ZFHX3: variants seen among roughly 807,000 people sequenced by gnomAD.
ZFHX3 encodes the protein zinc finger homeobox protein 3.
In ZFHX3, 42 loss-of-function variants were observed where a neutral mutation model predicts 279.1. That is an observed-to-expected ratio of 0.15 (90% CI 0.12 to 0.19). ZFHX3 has a LOEUF of 0.19. ZFHX3 is among the 10% of genes least tolerant of loss of function. ZFHX3 has a pLI of 1.00. For missense variants in ZFHX3, 4,981 were observed against 4,754.0 expected (o/e 1.05, Z -1.40); for synonymous variants, 2,293 against 1,957.8 (o/e 1.17, Z -4.52).
chr16:73,538,319 A>G (rs11860238), intron 2 of ZFHX3, among the ~76,000 whole-genome samples: 2,153 of 152,256 alleles, frequency 0.014, 53 homozygotes, highest in African/African-American at 0.05. Flanking sequence ...AATTTCACCA[A>G]AGGCTATTGA....
At chr16:73,682,352 T>A (rs1185650216) in intron 1 of ZFHX3, among the ~76,000 whole-genome samples, 2 of 152,104 alleles carry the variant, frequency 1.3e-5, no homozygotes, top group African/African-American at 2.4e-5. Flanking sequence ...GGGGTTTTAA[T>A]CATAAGGCAC....
intron 2 of ZFHX3, among the ~76,000 whole-genome samples, chr16:73,474,687 G>C (rs1302373586): frequency 6.6e-6 from 1 of 152,228 alleles, no homozygotes; most frequent in East Asian, 1.9e-4. Context: ...ATCCCAGCTG[G>C]CAGCTTCCTT....
chr16:73,425,976 G>C (rs557450651), intron 3 of ZFHX3, among the ~76,000 whole-genome samples: 1 of 152,036 alleles, frequency 6.6e-6, no homozygotes, highest in African/African-American at 2.4e-5. Context: ...CTCTGTCAAC[G>C]GTGATCCTCT....
intron 1 of ZFHX3, among the ~76,000 whole-genome samples, chr16:73,799,440 G>T (rs1444513151): frequency 1.3e-5 from 2 of 152,144 alleles, no homozygotes; most frequent in African/African-American, 4.8e-5. Context: ...GTGAATTGAG[G>T]CAGGTTTCTT....
At chr16:73,436,848 G>A (rs551401404) in intron 3 of ZFHX3, among the ~76,000 whole-genome samples, 5 of 152,144 alleles carry the variant, frequency 3.3e-5, no homozygotes, top group Admixed American at 1.3e-4. Flanking sequence ...AAGTGATCCC[G>A]TCTTCTCCCT....
chr16:73,756,433 C>T lies in ZFHX3; in HGVS notation c.-1607-76193G>A, dbSNP rs118160754. 4.5e-4 allele frequency among the ~76,000 whole-genome samples: 69 copies of T among 152,154 alleles called. No homozygotes were observed. The East Asian group carries it at 0.011, about 24-fold the overall frequency. ...GTGAAAGGTGGCTTTTGGTCCGTGC[C>T]GGGCCTGAGATCATTCACACGACAT... On this transcript the variant is annotated intron_variant, in intron 1 of 17. Transcript: ENST00000641206.
chr16:73,269,982 A>G (rs1473224381), intron 4 of ZFHX3, among the ~76,000 whole-genome samples: 1 of 152,110 alleles, frequency 6.6e-6, no homozygotes, highest in Non-Finnish European at 1.5e-5. Flanking sequence ...TCCTGAGCTC[A>G]GGTGATCCAC....
chr16:73,211,133 C>T (rs2012000887), intron 5 of ZFHX3, among the ~76,000 whole-genome samples: 1 of 152,138 alleles, frequency 6.6e-6, no homozygotes, highest in African/African-American at 2.4e-5. Context: ...TCTCACTTTG[C>T]CATTACTTAC....
At chr16:72,920,208 T>C (rs1279996530) in intron 3 of ZFHX3, among the ~76,000 whole-genome samples, 1 of 151,978 alleles carries the variant, frequency 6.6e-6, no homozygotes, top group Non-Finnish European at 1.5e-5. Flanking sequence ...AAATAAACAA[T>C]GTTGTGAAGA....
intron 5 of ZFHX3, among the ~76,000 whole-genome samples, chr16:73,167,890 T>C (rs1482528432): frequency 6.6e-6 from 1 of 152,196 alleles, no homozygotes; most frequent in Non-Finnish European, 1.5e-5. Flanking sequence ...TGAATGGTTT[T>C]AAAATGTAGA....
At chr16:73,195,246 G>C (rs1395319870) in intron 5 of ZFHX3, among the ~76,000 whole-genome samples, 1 of 151,992 alleles carries the variant, frequency 6.6e-6, no homozygotes, top group Non-Finnish European at 1.5e-5. Flanking sequence ...AGAAGGGGAG[G>C]ACCCTTTGTT....
chr16:73,138,432 T>C (rs1458191805), intron 6 of ZFHX3, among the ~76,000 whole-genome samples: 1 of 152,124 alleles, frequency 6.6e-6, no homozygotes, highest in Non-Finnish European at 1.5e-5. Flanking sequence ...ATCTGTCCGC[T>C]GCAGAGAGAG....
intron 4 of ZFHX3, among the ~76,000 whole-genome samples, chr16:73,296,463 T>C (rs1309173277): frequency 6.6e-6 from 1 of 152,216 alleles, no homozygotes; most frequent in African/African-American, 2.4e-5. Flanking sequence ...ACTGTCCTAA[T>C]ATGGTGATAA....
At chr16:73,722,098 G>A (rs1228807009) in intron 1 of ZFHX3, among the ~76,000 whole-genome samples, 1 of 152,180 alleles carries the variant, frequency 6.6e-6, no homozygotes, top group Non-Finnish European at 1.5e-5. Flanking sequence ...TGCTCATTCA[G>A]CAGCTAGTAA....
Position 72,843,527 on chromosome 16 carries a change from A to G in ZFHX3, c.3449-13668T>C, listed in dbSNP as rs902493623. On this transcript the variant is annotated intron_variant, in intron 4 of 9. Transcript: ENST00000268489. ...GAGACTCCGTCTAAAAAAAAAAAAAAAAAAAAAAAAAAGCCACACAGTGAG... is the reference window on the plus strand; with the variant it reads ...GAGACTCCGTCTAAAAAAAAAAAAAGAAAAAAAAAAAAGCCACACAGTGAG... Among the ~76,000 whole-genome samples, 4 of 150,154 alleles carry G rather than the reference A, an allele frequency of 2.7e-5. No individual in the cohort carries two copies. In the East Asian group the frequency reaches 5.8e-4, roughly 22 times the overall value.
intron 3 of ZFHX3, among the ~76,000 whole-genome samples, chr16:73,373,615 TA>T (rs980017807): frequency 1.1e-4 from 17 of 152,102 alleles, no homozygotes; most frequent in African/African-American, 4.1e-4. Context: ...GCAGAAAGTA[TA>T]GGTTCTGCTA....
At chr16:73,527,260 G>C (rs56926328) in intron 2 of ZFHX3, among the ~76,000 whole-genome samples, 2 of 152,138 alleles carry the variant, frequency 1.3e-5, no homozygotes, top group Non-Finnish European at 2.9e-5. Context: ...GTGACACTCA[G>C]GATGTGAAGG....
At chr16:73,046,706 T>C (rs1315098859) in intron 1 of ZFHX3, among the ~76,000 whole-genome samples, 2 of 152,144 alleles carry the variant, frequency 1.3e-5, no homozygotes, top group East Asian at 1.9e-4. Flanking sequence ...TCTCAAAGCA[T>C]AGAGAGAAAT....
intron 3 of ZFHX3, among the ~76,000 whole-genome samples, chr16:73,423,590 A>C (rs766904047): frequency 2.0e-5 from 3 of 152,224 alleles, no homozygotes; most frequent in Non-Finnish European, 1.5e-5. Context: ...GGCTGGGCAC[A>C]GTGGCTCATG....
Sources: allele counts gnomAD v4.1 joint callset (sites outside exome capture counted in the v4.1 genomes callset), GRCh38; gene constraint gnomAD v4.1.1; transcripts MANE v1.5; gene names NCBI Gene and HGNC (gene_info 2026-07-23, HGNC 2026-07-21).